METTL15: variants seen among roughly 807,000 people sequenced by gnomAD.
METTL15 encodes the protein methyltransferase 15, mitochondrial 12S rRNA N4-cytidine.
A neutral mutation model predicts 38.3 loss-of-function variants in METTL15; 34 were observed. That is an observed-to-expected ratio of 0.89 (90% confidence interval 0.68 to 1.18). The LOEUF (loss-of-function observed/expected upper bound fraction) is 1.18, where lower values mean the gene tolerates loss of function less well. Ranked by LOEUF, METTL15 falls within the 50% of genes most tolerant of loss-of-function variation. The pLI, the probability that METTL15 is intolerant of heterozygous loss-of-function variation, is 0.00. For missense variants in METTL15, 438 were observed against 498.4 expected, an observed-to-expected ratio of 0.88 and a Z score of 1.15; for synonymous variants, 162 against 170.9, an observed-to-expected ratio of 0.95 and a Z score of 0.41.
At chr11:28,189,376 T>C (rs1432730046) in intron 3 of METTL15, among the ~76,000 whole-genome samples, 1 of 151,308 alleles carries the variant, frequency 6.6e-6, no homozygotes, top group Non-Finnish European at 1.5e-5. Context: ...AATGTTATAA[T>C]AGATAAATAT....
At chr11:28,449,928 A>G (rs919759333) in intron 6 of METTL15, among the ~76,000 whole-genome samples, 8 of 152,192 alleles carry the variant, frequency 5.3e-5, no homozygotes, top group African/African-American at 1.9e-4. Flanking sequence ...CATTTACCCC[A>G]GCTGATGTCA....
At chr11:28,237,419 C>G (rs1017315437) in intron 4 of METTL15, among the ~76,000 whole-genome samples, 1 of 152,202 alleles carries the variant, frequency 6.6e-6, no homozygotes, top group South Asian at 2.1e-4. Flanking sequence ...CTGCATTCTT[C>G]ACGTAGTTCT....
chr11:28,499,200 A>G (rs1028711693), intron 6 of METTL15, among the ~76,000 whole-genome samples: 1 of 152,150 alleles, frequency 6.6e-6, no homozygotes, highest in African/African-American at 2.4e-5. Context: ...TGCCTAGGAT[A>G]ACTGATGTTC....
intron 3 of METTL15, chr11:28,163,915 G>A (rs1268153213): frequency 6.6e-6 from 1 of 152,080 alleles, no homozygotes; most frequent in Non-Finnish European, 1.5e-5. Flanking sequence ...TGTCTCTTTA[G>A]GAGAGATTCT....
intron 6 of METTL15, among the ~76,000 whole-genome samples, chr11:28,456,413 C>T (rs571136284): frequency 1.5e-4 from 23 of 151,954 alleles, no homozygotes; most frequent in African/African-American, 5.5e-4. Context: ...ATCATAGCCC[C>T]CAGGGTTGTT....
At chr11:28,131,676 T>C (rs1214005534) in intron 3 of METTL15, among the ~76,000 whole-genome samples, 1 of 152,162 alleles carries the variant, frequency 6.6e-6, no homozygotes, top group African/African-American at 2.4e-5. Context: ...CTAAAATGCA[T>C]TGGAATCAGT....
chr11:28,272,043 G>C (rs12793245), intron 4 of METTL15, among the ~76,000 whole-genome samples: 12,189 of 152,204 alleles, frequency 0.08, 695 homozygotes, highest in Non-Finnish European at 0.12. Context: ...AGTTAGAATG[G>C]CGATCATTAA....
intron 3 of METTL15, among the ~76,000 whole-genome samples, chr11:28,184,474 G>T (rs1165426659): frequency 6.6e-6 from 1 of 151,716 alleles, no homozygotes; most frequent in African/African-American, 2.4e-5. Flanking sequence ...CGTTCTCATT[G>T]GTTTCAAAGA....
At chr11:28,208,693 T>C (rs1852480971) in intron 3 of METTL15, among the ~76,000 whole-genome samples, 2 of 152,142 alleles carry the variant, frequency 1.3e-5, no homozygotes, top group African/African-American at 4.8e-5. Context: ...TTGATCTGTC[T>C]AATGTTGACT....
chr11:28,497,872 G>T (rs1456145712), intron 6 of METTL15, among the ~76,000 whole-genome samples: 1 of 152,010 alleles, frequency 6.6e-6, no homozygotes, highest in Non-Finnish European at 1.5e-5. Context: ...CAGCCAATAT[G>T]GTGAAATCCC....
chr11:28,195,753 C>T (rs1166514175), intron 3 of METTL15, among the ~76,000 whole-genome samples: 1 of 151,902 alleles, frequency 6.6e-6, no homozygotes, highest in Non-Finnish European at 1.5e-5. Flanking sequence ...GTTGCATTTG[C>T]CTTTGCATTC....
intron 5 of METTL15, among the ~76,000 whole-genome samples, chr11:28,291,208 G>C (rs551287945): frequency 1.1e-4 from 17 of 151,876 alleles, no homozygotes; most frequent in Middle Eastern, 3.4e-3. Flanking sequence ...CAGCATGCCC[G>C]GCTAATTATT....
At chr11:28,438,672 CTTTTTTTTT>C (rs1171439330) in intron 6 of METTL15, among the ~76,000 whole-genome samples, 2 of 128,194 alleles carry the variant, frequency 1.6e-5, no homozygotes, top group African/African-American at 5.8e-5. Flanking sequence ...TTTCTTTTTT[CTTTTTTTTT>C]TTTTTTTTTT....
intron 6 of METTL15, among the ~76,000 whole-genome samples, chr11:28,431,977 C>T (rs976276909): frequency 2.0e-5 from 3 of 152,116 alleles, no homozygotes; most frequent in Non-Finnish European, 2.9e-5. Flanking sequence ...TCAACTCTCT[C>T]CCAGATTCTA....
chr11:28,286,381 A>G (rs1590264653), intron 4 of METTL15, among the ~76,000 whole-genome samples: 1 of 152,188 alleles, frequency 6.6e-6, no homozygotes, highest in Non-Finnish European at 1.5e-5. Flanking sequence ...AGCTTAGCCA[A>G]GTTGACATAT....
At chr11:28,462,012 C>T (rs560494356) in intron 6 of METTL15, among the ~76,000 whole-genome samples, 12 of 121,602 alleles carry the variant, frequency 9.9e-5, no homozygotes, top group South Asian at 2.5e-4. Context: ...GAACTTTGCC[C>T]GGGTGCCCTT....
intron 4 of METTL15, among the ~76,000 whole-genome samples, chr11:28,358,952 T>TA (rs1850112598): frequency 6.6e-6 from 1 of 152,200 alleles, no homozygotes; most frequent in Non-Finnish European, 1.5e-5. Context: ...CTATTTTAGA[T>TA]TCAGAGGGTA....
At chr11:28,182,323 C>G (rs1234675431) in intron 3 of METTL15, among the ~76,000 whole-genome samples, 2 of 152,120 alleles carry the variant, frequency 1.3e-5, no homozygotes, top group Non-Finnish European at 2.9e-5. Context: ...GTCATGAAGT[C>G]TTTGCCCTTG....
chr11:28,364,960 T>A (rs1477263272), intron 5 of METTL15, among the ~76,000 whole-genome samples: 1 of 152,224 alleles, frequency 6.6e-6, no homozygotes, highest in Non-Finnish European at 1.5e-5. Context: ...TTTGATGAGC[T>A]TTTGTGGTGA....
Sources: allele counts gnomAD v4.1 joint callset (sites outside exome capture counted in the v4.1 genomes callset), GRCh38; gene constraint gnomAD v4.1.1; transcripts MANE v1.5; gene names NCBI Gene and HGNC (gene_info 2026-07-23, HGNC 2026-07-21).